Variants in HTR7 observed in about 807,000 individuals in gnomAD.
HTR7 encodes the protein 5-HT-7.
A neutral mutation model predicts 34.0 loss-of-function variants in HTR7; 16 were observed. That is an observed-to-expected ratio of 0.47 (90% CI 0.32 to 0.71). The LOEUF (loss-of-function observed/expected upper bound fraction) is 0.71. HTR7 is among the 30% of genes least tolerant of loss of function. The pLI is 0.04. For synonymous variants in HTR7, 265 were observed against 260.2 expected (o/e 1.02, Z -0.18); for missense variants, 504 against 625.5 (o/e 0.81, Z 2.07).
chr10:90,791,707 A>C (rs1259942674), intron 1 of HTR7, among the ~76,000 whole-genome samples: 1 of 152,138 alleles, frequency 6.6e-6, no homozygotes, highest in Non-Finnish European at 1.5e-5. Flanking sequence ...TGATCCCTCC[A>C]AGTGTTTTAT....
At chr10:90,814,282 T>C (rs1015558616) in intron 1 of HTR7, among the ~76,000 whole-genome samples, 1 of 152,208 alleles carries the variant, frequency 6.6e-6, no homozygotes, top group East Asian at 1.9e-4. Context: ...GGACTCACTT[T>C]ATGATGATAG....
rs538512393 is a variant in HTR7 at position 90,749,943 on chromosome 10, A to G, written c.540-349T>C. Among the ~76,000 whole-genome samples the G allele has an allele frequency of 4.6e-5, 7 of 152,116 alleles. No homozygotes were observed. The highest frequency in any genetic ancestry group is 7.4e-5 in the Non-Finnish European group (5 of 68,000). ...CAAAATCAACCAGGACAACATATCAACTCTGATGTAGGATGTTGTGACACA... is the reference window on the plus strand; with the variant it reads ...CAAAATCAACCAGGACAACATATCAGCTCTGATGTAGGATGTTGTGACACA... On this transcript the variant is annotated intron_variant, in intron 1 of 3. Transcript: ENST00000336152. The surrounding 1 kb of genome is among the most constrained non-coding windows in gnomAD (Gnocchi z 4.2).
rs773083760 is a variant in HTR7, at chr10:90,857,601, A to G, written c.71T>C (p.Val24Ala). ...GCTCAAGTCGGGCAGCCCGCGCCCCACTTCTGGCAGAAGGAAAGAGCGGAG... is the reference window on the plus strand; with the variant it reads ...GCTCAAGTCGGGCAGCCCGCGCCCCGCTTCTGGCAGAAGGAAAGAGCGGAG... ...GHLRSFLLPE[V>A]GRGLPDLSPD... The change falls in exon 1 of 4, where the codon GTG (valine) becomes GCG (alanine). Residue 24 changes from valine to alanine, a missense_variant. Val to Ala is a moderately conservative substitution (Grantham distance 64, BLOSUM62 0). Around this residue, in one of 4 missense-constraint regions of HTR7, gnomAD observed 139 missense variants for 117.1 expected, o/e 1.19. Coordinates refer to ENST00000336152, the MANE Select transcript of HTR7 (RefSeq NM_019859.4). This position sits in a 1 kb window ranked among gnomAD's most constrained non-coding sequence, Gnocchi z 6.5. The G allele has an allele frequency of 1.3e-6, 2 of 1,598,826 alleles. No homozygotes were observed. Among genetic ancestry groups the G allele is most frequent in the South Asian group, 1.1e-5 (1 of 89,228 alleles).
At chr10:90,807,203 A>G (rs1052489737) in intron 1 of HTR7, among the ~76,000 whole-genome samples, 1 of 152,200 alleles carries the variant, frequency 6.6e-6, no homozygotes, top group African/African-American at 2.4e-5. Flanking sequence ...AATGTGATAC[A>G]GACTGACAGG....
intron 1 of HTR7, among the ~76,000 whole-genome samples, chr10:90,785,705 T>G (rs115328839): frequency 4.9e-4 from 74 of 152,380 alleles, no homozygotes; most frequent in African/African-American, 1.8e-3. Flanking sequence ...GATTTTGTGA[T>G]GTATTTTAAG....
intron 1 of HTR7, among the ~76,000 whole-genome samples, chr10:90,832,241 A>G (rs34871116): frequency 0.3 from 45,281 of 151,890 alleles, 7,702 homozygotes; most frequent in African/African-American, 0.47. Flanking sequence ...CACTCGTCGG[A>G]GAGGCTCAGG....
chr10:90,844,052 A>G (rs1225183078), intron 1 of HTR7, among the ~76,000 whole-genome samples: 1 of 152,256 alleles, frequency 6.6e-6, no homozygotes, highest in Non-Finnish European at 1.5e-5. Context: ...GAGACCTTAC[A>G]GTCCACAAGC....
intron 1 of HTR7, among the ~76,000 whole-genome samples, chr10:90,810,661 T>G (rs1021233296): frequency 4.6e-5 from 7 of 152,198 alleles, no homozygotes; most frequent in African/African-American, 1.7e-4. Context: ...CCCATTATTC[T>G]GTTCTAGATC....
chr10:90,831,309 T>C (rs1846169598), intron 1 of HTR7, among the ~76,000 whole-genome samples: 1 of 152,110 alleles, frequency 6.6e-6, no homozygotes, highest in African/African-American at 2.4e-5. Context: ...AGTTTCTTCC[T>C]TCTGGTGGGT....
At chr10:90,828,562 G>A (rs1846114891) in intron 1 of HTR7, among the ~76,000 whole-genome samples, 1 of 151,972 alleles carries the variant, frequency 6.6e-6, no homozygotes, top group South Asian at 2.1e-4. Flanking sequence ...ATTATGAGAG[G>A]CTTAATATGC....
At chr10:90,789,424 T>A (rs998675632) in intron 1 of HTR7, among the ~76,000 whole-genome samples, 1 of 152,128 alleles carries the variant, frequency 6.6e-6, no homozygotes, top group African/African-American at 2.4e-5. Flanking sequence ...CTGCCCACAA[T>A]AAAACTGTGT....
In HTR7 at chr10:90,807,748, C is replaced by T. The variant is rs951132881; in HGVS notation, c.539+49385G>A. On this transcript the variant is annotated intron_variant, in intron 1 of 3. Coordinates refer to ENST00000336152, the MANE Select transcript of HTR7 (RefSeq NM_019859.4). ...CACGGACGCGCATGAAATTTGGTGC[C>T]GTGACTCAGATCGGGGGACCTCCCT... Among the ~76,000 whole-genome samples, 9 of 152,192 alleles carry T rather than the reference C, an allele frequency of 5.9e-5. No individual in the cohort carries two copies. In the East Asian group the frequency reaches 7.7e-4, roughly 13 times the overall value.
intron 1 of HTR7, among the ~76,000 whole-genome samples, chr10:90,766,479 A>T (rs1038559943): frequency 2.6e-5 from 4 of 152,144 alleles, no homozygotes; most frequent in Admixed American, 2.6e-4. Context: ...TTATCCATTC[A>T]GCCATTCTAT....
chr10:90,812,171 C>T (rs1272546105), intron 1 of HTR7, among the ~76,000 whole-genome samples: 1 of 152,244 alleles, frequency 6.6e-6, no homozygotes, highest in East Asian at 1.9e-4. Flanking sequence ...TGTATAGACG[C>T]TCCTTTTTAT....
At chr10:90,742,633 G>T in intron 3 of HTR7, 105 bp from the exon 4 acceptor site, 1 of 720,498 alleles carries the variant, frequency 1.4e-6, no homozygotes, top group Non-Finnish European at 2.4e-6. Context: ...TCAGTAATTT[G>T]AATCATTTGT....
At chr10:90,805,542 G>C (rs1159854973) in intron 1 of HTR7, among the ~76,000 whole-genome samples, 1 of 152,182 alleles carries the variant, frequency 6.6e-6, no homozygotes, top group Non-Finnish European at 1.5e-5. Flanking sequence ...CTGTGCCTTT[G>C]AGGTATGCAT....
chr10:90,816,885 C>T (rs1845905560), intron 1 of HTR7, among the ~76,000 whole-genome samples: 1 of 152,166 alleles, frequency 6.6e-6, no homozygotes, highest in South Asian at 2.1e-4. Context: ...AATAACCTGG[C>T]CTTTTGGCTT....
chr10:90,743,634 A>G lies in HTR7; in HGVS notation c.1352T>C (p.Val451Ala), dbSNP rs1380050376. 6.2e-7 allele frequency: 1 copy of G among 1,613,942 alleles called. No individual in the cohort carries two copies. Among genetic ancestry groups the G allele is most frequent in the African/African-American group, 1.3e-5 (1 of 75,000 alleles). The change falls in exon 3 of 4, where the codon GTG (valine) becomes GCG (alanine). Residue 451 changes from valine (V) to alanine (A), a missense_variant. By Grantham distance (64) the Val-to-Ala change is moderately conservative (BLOSUM62 0). This residue lies in a region of HTR7 where 154 missense variants were observed against 212.1 expected (regional missense o/e 0.73). Coordinates refer to ENST00000336152, the MANE Select transcript of HTR7 (RefSeq NM_019859.4). ...LRPEKRPPVS[V>A]WVLQSPDHHN... is the part of the protein sequence containing the mutation. ...ATGGTCTGGAGATTGTAGCACCCAC[A>G]CAGATACCGGTGGCCTCTTTTCTGG...
intron 1 of HTR7, among the ~76,000 whole-genome samples, chr10:90,798,609 G>A (rs970552876): frequency 1.3e-5 from 2 of 152,192 alleles, no homozygotes; most frequent in Non-Finnish European, 2.9e-5. Context: ...CAGCAACTCA[G>A]GGACCAAGGT....
Sources: gnomAD v4.1 joint callset for allele counts (sites outside exome capture counted in the v4.1 genomes callset) on GRCh38, gnomAD v4.1.1 for gene constraint, gnomAD v4.1.1 regional missense constraint, Gnocchi (gnomAD v3.1) non-coding constraint, MANE v1.5 for transcripts, NCBI Gene and HGNC (gene_info 2026-07-23, HGNC 2026-07-21) for gene names.